The following DUSP11 variants were observed in gnomAD, a reference collection of about 807,000 sequenced individuals.
DUSP11 encodes RNA/RNP complex-1-interacting phosphatase.
In DUSP11, 27 loss-of-function variants were observed where a neutral mutation model predicts 41.4. That is an observed-to-expected ratio of 0.65 (90% CI 0.48 to 0.90). The LOEUF is 0.90. Ranked by LOEUF, DUSP11 falls within the 40% of genes least tolerant of loss-of-function variation. The pLI, the probability that DUSP11 is intolerant of heterozygous loss-of-function variation, is 0.00. For missense variants in DUSP11, 465 were observed against 461.1 expected, an observed-to-expected ratio of 1.01 and a Z score of -0.08; for synonymous variants, 188 against 159.3, an observed-to-expected ratio of 1.18 and a Z score of -1.35.
chr2:73,767,472 T>C (rs1271418266), intron 5 of DUSP11: 3 of 318,278 alleles, frequency 9.4e-6, no homozygotes, highest in South Asian at 9.0e-5. Flanking sequence ...GGAAAGAAAA[T>C]GCAGAATCAT....
intron 3 of DUSP11, among the ~76,000 whole-genome samples, 154 bp from the exon 4 acceptor site, chr2:73,774,077 C>T (rs1672635182): frequency 1.3e-5 from 2 of 152,078 alleles, no homozygotes; most frequent in African/African-American, 4.8e-5. Context: ...GCCATTTTTT[C>T]CAACACTGCT....
chr2:73,765,278 C>A (rs1213177082), intron 8 of DUSP11, among the ~76,000 whole-genome samples: 1 of 151,932 alleles, frequency 6.6e-6, no homozygotes, highest in Non-Finnish European at 1.5e-5. Context: ...TTACCTTCTT[C>A]TCCTACTCTT....
In DUSP11 at chr2:73,778,296, C is replaced by T. The variant is rs61758449; in HGVS notation, c.318+5G>A. 5.3e-5 allele frequency: 83 copies of T among 1,572,204 alleles called. No individual in the cohort carries two copies. Among genetic ancestry groups the T allele is most frequent in the Middle Eastern group, 3.3e-4 (2 of 6,018 alleles). ...TGAAAGAATACTGAATTAACTTTTG[C>T]TTACCTTTTGCAAAGGAACTTTGAA... On this transcript the variant is annotated splice_donor_5th_base_variant and intron_variant, in intron 2 of 8. Coordinates refer to ENST00000272444, the Ensembl canonical transcript of DUSP11.
intron 8 of DUSP11, among the ~76,000 whole-genome samples, chr2:73,766,066 T>C (rs1042427509): frequency 4.6e-5 from 7 of 152,108 alleles, no homozygotes; most frequent in South Asian, 2.1e-4. Flanking sequence ...TCCCAGCACT[T>C]TGGGAGGCTG....
chr2:73,766,764 C>T, intron 7 of DUSP11, 64 bp downstream of exon 7: 4 of 1,442,636 alleles, frequency 2.8e-6, no homozygotes, highest in Admixed American at 1.8e-5. Context: ...ACATATGCAA[C>T]TTAAATTACA....
chr2:73,766,028 G>A (rs943514979), intron 8 of DUSP11, among the ~76,000 whole-genome samples: 6 of 152,128 alleles, frequency 3.9e-5, no homozygotes, highest in African/African-American at 1.2e-4. Flanking sequence ...ATTCCTTATC[G>A]GCCAGGCGCG....
In DUSP11 at chr2:73,776,632, G is replaced by A. The variant is rs111885669; in HGVS notation, c.319-1588C>T. ...ACCAAAGTCTAGAGGTTAGGTATGC[G>A]TGATTCATTCTATGTTATGCATTGT... On this transcript the variant is annotated intron_variant, in intron 2 of 8. Coordinates refer to ENST00000272444, the Ensembl canonical transcript of DUSP11. 4.6e-3 allele frequency among the ~76,000 whole-genome samples: 701 copies of A among 152,070 alleles called. 8 individuals carry two copies. Among genetic ancestry groups the A allele is most frequent in the African/African-American group, 0.016 (671 of 41,492 alleles).
At chr2:73,773,969 G>T (rs1346527796) in intron 3 of DUSP11, 46 bp from the exon 4 acceptor site, 1 of 1,460,718 alleles carries the variant, frequency 6.8e-7, no homozygotes, top group Non-Finnish European at 9.2e-7. Flanking sequence ...CACTTGTAGA[G>T]AAATAATTAA....
At chr2:73,765,123 A>C (rs1376649704) in intron 8 of DUSP11, among the ~76,000 whole-genome samples, 1 of 152,202 alleles carries the variant, frequency 6.6e-6, no homozygotes, top group Admixed American at 6.5e-5. Context: ...GGGTGTGTCC[A>C]AAGGATACTG....
At chr2:73,774,982 G>A (rs1672651399) in exon 3 of DUSP11, 6 of 1,612,380 alleles carry the variant, frequency 3.7e-6, no homozygotes, top group Non-Finnish European at 4.2e-6. Context: ...TTTGTTCTCG[G>A]ATTTTGTTAA....
At chr2:73,775,166 G>A in intron 2 of DUSP11, 122 bp from the exon 3 acceptor site, 2 of 839,956 alleles carry the variant, frequency 2.4e-6, no homozygotes, top group South Asian at 2.2e-5. Context: ...CCATTCTCCT[G>A]GAACATAGAA....
chr2:73,763,266 G>C (rs1672394883), intron 8 of DUSP11, among the ~76,000 whole-genome samples: 1 of 152,148 alleles, frequency 6.6e-6, no homozygotes, highest in African/African-American at 2.4e-5. Flanking sequence ...AAGCTAGTTA[G>C]TACTGAGAAC....
At chr2:73,765,868 G>A (rs961578614) in intron 8 of DUSP11, among the ~76,000 whole-genome samples, 35 of 151,964 alleles carry the variant, frequency 2.3e-4, no homozygotes, top group Non-Finnish European at 1.5e-4. Flanking sequence ...CAAACTCTTG[G>A]CTTAAGTTTA....
chr2:73,767,188 C>T, exon 6 of DUSP11: 1 of 1,612,182 alleles, frequency 6.2e-7, no homozygotes, highest in East Asian at 2.2e-5. Flanking sequence ...GGCCTCACGC[C>T]TTCTACATCA....
exon 9 of DUSP11, chr2:73,762,687 G>C (rs779685569): frequency 1.2e-6 from 2 of 1,613,202 alleles, no homozygotes; most frequent in Non-Finnish European, 1.7e-6. Flanking sequence ...CAACAGGCTG[G>C]ATAGGAGAGT....
At chr2:73,773,420 T>C (rs1226526311) in intron 4 of DUSP11, 2 of 336,790 alleles carry the variant, frequency 5.9e-6, no homozygotes, top group Non-Finnish European at 1.1e-5. Context: ...GTCCCATTCT[T>C]AATCTTTGCC....
intron 4 of DUSP11, among the ~76,000 whole-genome samples, chr2:73,771,425 C>A (rs1272761483): frequency 6.6e-6 from 1 of 152,078 alleles, no homozygotes; most frequent in African/African-American, 2.4e-5. Flanking sequence ...TCCTGTCAGG[C>A]CTTCCTCAAT....
exon 2 of DUSP11, chr2:73,778,347 C>G (rs746279320): frequency 1.3e-6 from 2 of 1,550,910 alleles, no homozygotes; most frequent in Non-Finnish European, 1.7e-6. Context: ...CCCAGGCATC[C>G]GCTGTCCAAC....
At chr2:73,778,433 A>G (rs1264009810) in intron 1 of DUSP11, 57 bp from the exon 2 acceptor site, 3 of 1,186,474 alleles carry the variant, frequency 2.5e-6, no homozygotes, top group Admixed American at 5.8e-5. Flanking sequence ...TCCTTGCACA[A>G]AATAAGACTT....
Sources: gnomAD v4.1 joint callset for allele counts (sites outside exome capture counted in the v4.1 genomes callset) on GRCh38, gnomAD v4.1.1 for gene constraint, MANE v1.5 for transcripts, NCBI Gene and HGNC (gene_info 2026-07-23, HGNC 2026-07-21) for gene names.